KPTN: variants seen among roughly 807,000 people sequenced by gnomAD.
The protein encoded by KPTN is KICSTOR complex protein kaptin.
A neutral mutation model predicts 52.6 loss-of-function variants in KPTN; 36 were observed. The ratio of observed to expected loss-of-function variants is 0.68; its 90% CI spans 0.52 to 0.90. The LOEUF (loss-of-function observed/expected upper bound fraction) is 0.90. KPTN is among the 40% of genes least tolerant of loss of function. The pLI is 0.00. For missense variants in KPTN, 529 were observed against 576.2 expected, an observed-to-expected ratio of 0.92 and a Z score of 0.84; for synonymous variants, 271 against 248.4, an observed-to-expected ratio of 1.09 and a Z score of -0.85.
upstream of KPTN, among the ~76,000 whole-genome samples, chr19:47,485,118 A>G (rs1968033488): frequency 6.6e-6 from 1 of 152,196 alleles, no homozygotes; most frequent in Non-Finnish European, 1.5e-5. Context: ...ACTTGGTGAC[A>G]GTCATGCTGG....
At chr19:47,477,009 G>A (rs1479445979) in intron 9 of KPTN, 71 bp from the exon 10 acceptor site, 4 of 1,478,312 alleles carry the variant, frequency 2.7e-6, no homozygotes, top group Non-Finnish European at 1.8e-6. Flanking sequence ...CGGATGCTAA[G>A]CTGGGTACCG....
chr19:47,483,093 A>AG, intron 4 of KPTN, 68 bp downstream of exon 4: 1 of 1,419,634 alleles, frequency 7.0e-7, no homozygotes, highest in Non-Finnish European at 1.0e-6. Flanking sequence ...TAAGTAAAGA[A>AG]GGGGTTCGAG....
chr19:47,481,411 A>C (rs1316481732), intron 4 of KPTN, among the ~76,000 whole-genome samples: 4 of 152,212 alleles, frequency 2.6e-5, no homozygotes, highest in African/African-American at 7.2e-5. Flanking sequence ...GGACCTCTTC[A>C]TTCTGAAACC....
intron 6 of KPTN, 57 bp downstream of exon 6, chr19:47,480,703 G>A (rs1967846778): frequency 3.3e-6 from 5 of 1,521,218 alleles, no homozygotes; most frequent in South Asian, 2.2e-5. Context: ...CTCACCGCCC[G>A]ATTTCTCTGA....
chr19:47,476,467 G>T, intron 11 of KPTN, 65 bp downstream of exon 11: 1 of 1,406,172 alleles, frequency 7.1e-7, no homozygotes, highest in Non-Finnish European at 9.6e-7. Flanking sequence ...CCCAGGAGGA[G>T]GCCTGCACCC....
intron 7 of KPTN, 111 bp from the exon 8 acceptor site, chr19:47,480,051 T>A: frequency 3.3e-6 from 1 of 300,466 alleles, no homozygotes; most frequent in African/African-American, 7.9e-5. Context: ...GCCCCGCCCC[T>A]CTGAAGCCCT....
upstream of KPTN, among the ~76,000 whole-genome samples, chr19:47,485,440 TAGA>T (rs938311527): frequency 7.2e-5 from 11 of 152,310 alleles, no homozygotes; most frequent in Admixed American, 2.0e-4. Flanking sequence ...GCTTTGTCCC[TAGA>T]AGGCCATGGA....
At chr19:47,479,684 G>A (rs376102729) in intron 8 of KPTN, among the ~76,000 whole-genome samples, 179 bp downstream of exon 8, 1 of 152,092 alleles carries the variant, frequency 6.6e-6, no homozygotes. Context: ...CACAAGAGGG[G>A]AGGGGAGGGA....
At position 47,476,380 on chromosome 19, in the gene KPTN, C is replaced by T. The variant is rs1424313929; in HGVS notation, c.1182+152G>A. ...GTGCCCCCACCCCAGCTGCTGTGAG[C>T]GCTCACAGCTGCCCCTTTCTCCTGG... On this transcript the variant is annotated intron_variant, in intron 11 of 11. Transcript: ENST00000338134. The T allele has an allele frequency of 8.1e-5, 28 of 344,244 alleles. 1 individual carries two copies. Among genetic ancestry groups the T allele is most frequent in the Non-Finnish European group, 1.1e-4 (24 of 212,822 alleles). 21.3% of individuals were successfully genotyped at this position (344,244 alleles called of 1,614,324 possible). A position where few individuals can be genotyped will look rare whatever the true frequency, so the allele number is the denominator to read the frequency against.
rs1254691647 is a variant in KPTN at position 47,481,043 on chromosome 19, G to C, written c.450-10C>G. 4 of 1,569,122 alleles carry C rather than the reference G, an allele frequency of 2.5e-6. No individual in the cohort carries two copies. Among genetic ancestry groups the C allele is most frequent in the Non-Finnish European group, 2.6e-6 (3 of 1,155,156 alleles). ...ATCCCCGACCTGGACCCTGAAAGCA[G>C]AGAAATCTAGAACCCAAGGTAGTGG... On this transcript the variant is annotated splice_polypyrimidine_tract_variant and intron_variant, in intron 4 of 11. Coordinates refer to ENST00000338134, the MANE Select transcript of KPTN (RefSeq NM_007059.4).
chr19:47,484,210 C>A lies in KPTN; in HGVS notation c.-50G>T. ...GCAGCCCCCGCCCCAACCCGCACTA[C>A]CCAACCTACGACTCTCTAAGCGACC... On this transcript the variant is annotated 5_prime_UTR_variant, in exon 1 of 12. Transcript: ENST00000338134. The A allele has an allele frequency of 5.1e-6, 8 of 1,554,130 alleles. No individual in the cohort carries two copies. The highest frequency in any genetic ancestry group is 6.9e-6 in the Non-Finnish European group (8 of 1,155,102).
At chr19:47,484,602 G>T (rs781619455), upstream of KPTN, 3 of 172,732 alleles carry the variant, frequency 1.7e-5, no homozygotes, top group Non-Finnish European at 3.7e-5. Flanking sequence ...TTTTAGAGAT[G>T]AAGGAATTGA....
Position 47,475,217 on chromosome 19 carries a change from A to C in KPTN, c.*199T>G. ...TCTCATCCAGAGTGGACAGGGTGGA[A>C]TGGGATCATCCCTGCTTTCAAATAG... is the stretch of plus-strand genomic sequence containing the variant. On this transcript the variant is annotated 3_prime_UTR_variant, in exon 12 of 12. Transcript: ENST00000338134. 5.8e-6 allele frequency: 3 copies of C among 516,272 alleles called. No homozygotes were observed. The highest frequency in any genetic ancestry group is 1.0e-5 in the Non-Finnish European group (3 of 286,564). The allele number at this position is 516,272 out of a possible 1,614,324, so 32.0% of individuals were successfully genotyped here.
At chr19:47,479,837 C>T (rs1169300082) in intron 8 of KPTN, 26 bp downstream of exon 8, 1 of 1,597,174 alleles carries the variant, frequency 6.3e-7, no homozygotes, top group South Asian at 1.1e-5. Context: ...CCGCTCTCTC[C>T]CCATCCCCTC....
In KPTN at chr19:47,483,926, G is replaced by A; in HGVS notation, c.226+9C>T. 1 of 1,607,606 alleles carries A rather than the reference G, an allele frequency of 6.2e-7. No homozygotes were observed. ...GGCCCCCGCCCCCCAGCACCATAGC[G>A]CCACCCACCGGGAATGTAGTTGAAC... On this transcript the variant is annotated intron_variant, in intron 1 of 11. Transcript: ENST00000338134.
In KPTN at chr19:47,483,571, A is replaced by T; in HGVS notation, c.240T>A (p.Ile80=). The T allele has an allele frequency of 6.4e-7, 1 of 1,560,892 alleles. No homozygotes were observed. The highest frequency in any genetic ancestry group is 8.7e-7 in the Non-Finnish European group (1 of 1,151,786). The stretch of plus-strand genomic sequence containing the variant: ...ACTTGTTGAAAGTGTCGATGGAGAC[A>T]ATCTCCGCATCCACTGGGAGGGGAG... ...QFNYIPVDAE[I]VSIDTFNKSP... is the part of the protein sequence containing the mutation. The change falls in exon 2 of 12, where the codon ATT becomes ATA. Residue 80 remains isoleucine, a synonymous_variant. Transcript: ENST00000338134.
chr19:47,479,963 G>T, intron 7 of KPTN, 23 bp from the exon 8 acceptor site: 1 of 1,598,716 alleles, frequency 6.3e-7, no homozygotes. Context: ...CGAGGATTCA[G>T]AGCCCCAACC....
At chr19:47,485,590 T>C (rs572214090), upstream of KPTN, among the ~76,000 whole-genome samples, 1 of 152,356 alleles carries the variant, frequency 6.6e-6, no homozygotes, top group South Asian at 2.1e-4. Context: ...CACGGCCTTA[T>C]CGCCTGTACC....
Position 47,480,701 on chromosome 19 carries a change from C to T in KPTN, c.599+59G>A. 6.6e-6 allele frequency: 10 copies of T among 1,511,506 alleles called. No homozygotes were observed. The South Asian group carries it at 1.0e-4, about 15-fold the overall frequency. The allele number at this position is 1,511,506 out of a possible 1,614,324, so 93.6% of individuals were successfully genotyped here. On this transcript the variant is annotated intron_variant, in intron 6 of 11. Transcript: ENST00000338134. ...ACCAATTTCTCTAAGGTCTCACCGC[C>T]CGATTTCTCTGATGTCAGTGCCCCG...
Sources: allele counts gnomAD v4.1 joint callset (sites outside exome capture counted in the v4.1 genomes callset), GRCh38; gene constraint gnomAD v4.1.1; transcripts MANE v1.5; gene names NCBI Gene and HGNC (gene_info 2026-07-23, HGNC 2026-07-21).